Variants in RBFOX1 observed in about 807,000 individuals in gnomAD.
RBFOX1 encodes the protein RNA binding fox-1 homolog 1, also known as RNA binding protein fox-1 homolog 1.
RBFOX1 carries 8 observed loss-of-function variants against 57.7 expected under a neutral mutation model. That is an observed-to-expected ratio of 0.14 (90% confidence interval 0.08 to 0.25). RBFOX1 has a LOEUF of 0.25. Among genes scored for constraint, RBFOX1 ranks in the 10% least tolerant of loss-of-function variants. RBFOX1 has a pLI of 1.00. For synonymous variants in RBFOX1, 326 were observed against 222.4 expected, an observed-to-expected ratio of 1.47 and a Z score of -4.15; for missense variants, 611 against 548.5, an observed-to-expected ratio of 1.11 and a Z score of -1.14.
intron 1 of RBFOX1, among the ~76,000 whole-genome samples, chr16:5,250,781 C>T (rs1175193735): frequency 2.6e-5 from 4 of 152,174 alleles, no homozygotes; most frequent in Non-Finnish European, 5.9e-5. Flanking sequence ...TGCACCGATA[C>T]GTCTGTGGAT....
chr16:6,289,226 T>C (rs1001783541), intron 1 of RBFOX1, among the ~76,000 whole-genome samples: 1 of 152,166 alleles, frequency 6.6e-6, no homozygotes, highest in African/African-American at 2.4e-5. Context: ...ACAGAGGTAT[T>C]CGTTCCTTGA....
intron 4 of RBFOX1, among the ~76,000 whole-genome samples, chr16:7,109,200 C>A (rs1382951368): frequency 1.3e-5 from 2 of 152,064 alleles, no homozygotes; most frequent in East Asian, 3.9e-4. Context: ...ATAGATAAAA[C>A]AAGTATAAAG....
At chr16:7,330,979 C>G (rs970313890) in intron 4 of RBFOX1, among the ~76,000 whole-genome samples, 1 of 152,096 alleles carries the variant, frequency 6.6e-6, no homozygotes, top group African/African-American at 2.4e-5. Context: ...TAAGAGGGGT[C>G]AGTGCGCAGC....
At chr16:5,241,225 C>G (rs921244154) in intron 1 of RBFOX1, among the ~76,000 whole-genome samples, 1 of 152,200 alleles carries the variant, frequency 6.6e-6, no homozygotes, top group Non-Finnish European at 1.5e-5. Flanking sequence ...GTGACATCCT[C>G]ATCTCCCCGT....
At chr16:7,591,181 G>T (rs1331977908) in intron 7 of RBFOX1, among the ~76,000 whole-genome samples, 2 of 152,158 alleles carry the variant, frequency 1.3e-5, no homozygotes, top group Non-Finnish European at 1.5e-5. Flanking sequence ...AAAGAGGGAT[G>T]TGTCTCAGGC....
chr16:5,895,914 T>C (rs1035519090), intron 4 of RBFOX1, among the ~76,000 whole-genome samples: 4 of 152,052 alleles, frequency 2.6e-5, no homozygotes, highest in African/African-American at 9.7e-5. Context: ...CATTTCTAAA[T>C]CAAAAAGAAT....
At chr16:6,434,209 G>A (rs543778726) in intron 2 of RBFOX1, among the ~76,000 whole-genome samples, 1 of 152,128 alleles carries the variant, frequency 6.6e-6, no homozygotes, top group Non-Finnish European at 1.5e-5. Flanking sequence ...AATCTCCCCA[G>A]CTCAATATCC....
chr16:6,261,635 C>T (rs1211406720), intron 1 of RBFOX1, among the ~76,000 whole-genome samples: 1 of 129,634 alleles, frequency 7.7e-6, no homozygotes, highest in East Asian at 2.5e-4. Context: ...TTTTCTTTGC[C>T]CATTGGATCA....
chr16:6,891,650 C>T (rs1479289999), intron 3 of RBFOX1, among the ~76,000 whole-genome samples: 1 of 152,188 alleles, frequency 6.6e-6, no homozygotes, highest in Non-Finnish European at 1.5e-5. Context: ...TTAATCTCTG[C>T]AAGTTTCAAC....
intron 4 of RBFOX1, among the ~76,000 whole-genome samples, chr16:7,384,706 G>C (rs2097848586): frequency 6.6e-6 from 1 of 152,164 alleles, no homozygotes; most frequent in South Asian, 2.1e-4. Flanking sequence ...ACTTAGACTT[G>C]CACGAAATAG....
chr16:5,809,273 C>G lies in RBFOX1; in HGVS notation c.319-58030C>G, dbSNP rs182607125. 2.0e-5 allele frequency among the ~76,000 whole-genome samples: 3 copies of G among 152,290 alleles called. No individual in the cohort carries two copies. In the East Asian group the frequency reaches 5.8e-4, roughly 29 times the overall value. On this transcript the variant is annotated intron_variant, in intron 3 of 19. Coordinates refer to the RBFOX1 transcript ENST00000641259. ...AGGACATAGGCACAGGCAAGGACTTCAAGTCTAAAACACCAAAAGCAATGG... is the reference window on the plus strand; with the variant it reads ...AGGACATAGGCACAGGCAAGGACTTGAAGTCTAAAACACCAAAAGCAATGG...
chr16:5,671,962 A>G (rs1378183199), intron 3 of RBFOX1, among the ~76,000 whole-genome samples: 1 of 152,290 alleles, frequency 6.6e-6, no homozygotes, highest in South Asian at 2.1e-4. Flanking sequence ...TTTCTCTCAA[A>G]GTGATGAAGA....
In RBFOX1 at chr16:6,766,152, GA is replaced by G. The variant is rs1380867084; in HGVS notation, c.-16+111510del. On this transcript the variant is annotated intron_variant, in intron 3 of 15. Coordinates refer to ENST00000550418, the MANE Select transcript of RBFOX1 (RefSeq NM_018723.4). ...AAATTTTTCAAAAAATATTTAAAAA[GA>G]AAAAAAAGCAAAATTTTAGATATGG... Among the ~76,000 whole-genome samples, 5 of 149,722 alleles carry G rather than the reference GA, an allele frequency of 3.3e-5. No homozygotes were observed. The South Asian group carries it at 8.4e-4, about 25-fold the overall frequency.
chr16:5,319,984 G>A (rs987124321), intron 1 of RBFOX1, among the ~76,000 whole-genome samples: 2 of 152,202 alleles, frequency 1.3e-5, no homozygotes, highest in African/African-American at 4.8e-5. Flanking sequence ...TGGCCCGGGT[G>A]CAGTCACATG....
chr16:6,751,497 T>C (rs1248307996), intron 3 of RBFOX1, among the ~76,000 whole-genome samples: 1 of 152,180 alleles, frequency 6.6e-6, no homozygotes, highest in Non-Finnish European at 1.5e-5. Flanking sequence ...ACAGCAACTC[T>C]TTGCCTCACT....
chr16:6,659,454 A>T (rs76471150), intron 3 of RBFOX1, among the ~76,000 whole-genome samples: 1,542 of 152,162 alleles, frequency 0.01, 28 homozygotes, highest in African/African-American at 0.035. Flanking sequence ...TTTTTACAAT[A>T]CTTCTTCCAG....
At chr16:6,714,997 C>G in intron 3 of RBFOX1, among the ~76,000 whole-genome samples, 1 of 152,086 alleles carries the variant, frequency 6.6e-6, no homozygotes, top group East Asian at 1.9e-4. Flanking sequence ...GTAAGGTGGT[C>G]ACAGGAGTTG....
chr16:5,514,866 T>C (rs1259203866), intron 2 of RBFOX1, among the ~76,000 whole-genome samples: 1 of 152,138 alleles, frequency 6.6e-6, no homozygotes, highest in Non-Finnish European at 1.5e-5. Context: ...GAATACCTGA[T>C]TCTGGGTAAT....
chr16:5,883,237 G>A (rs149690129), intron 4 of RBFOX1, among the ~76,000 whole-genome samples: 1 of 152,196 alleles, frequency 6.6e-6, no homozygotes, highest in East Asian at 1.9e-4. Context: ...CACATTAAAT[G>A]TACATGTTGA....
Sources: allele counts gnomAD v4.1 joint callset (sites outside exome capture counted in the v4.1 genomes callset), GRCh38; gene constraint gnomAD v4.1.1; transcripts MANE v1.5; gene names NCBI Gene and HGNC (gene_info 2026-07-23, HGNC 2026-07-21).